Variants in GGA3 observed in about 807,000 individuals in gnomAD.
GGA3 encodes golgi associated, gamma adaptin ear containing, ARF binding protein 3, also known as ADP-ribosylation factor-binding protein GGA3.
Under a neutral mutation model 77.5 loss-of-function variants are expected in GGA3, and 57 were observed. That is an observed-to-expected ratio of 0.74 (90% CI 0.59 to 0.92). The LOEUF (loss-of-function observed/expected upper bound fraction) is 0.92. Among genes scored for constraint, GGA3 ranks in the 40% least tolerant of loss-of-function variants. The pLI is 0.00. For synonymous variants in GGA3, 416 were observed against 383.7 expected, an observed-to-expected ratio of 1.08 and a Z score of -0.98; for missense variants, 970 against 914.9, an observed-to-expected ratio of 1.06 and a Z score of -0.78.
chr17:75,243,312 T>C, intron 5 of GGA3, 135 bp downstream of exon 5: 1 of 1,243,578 alleles, frequency 8.0e-7, no homozygotes. Context: ...CCCATCCAAC[T>C]CCGACTCAGC....
At chr17:75,260,826 C>T (rs1306177883) in intron 1 of GGA3, among the ~76,000 whole-genome samples, 1 of 151,984 alleles carries the variant, frequency 6.6e-6, no homozygotes, top group Admixed American at 6.5e-5. Context: ...CAATACGCTT[C>T]TATAACTACA....
chr17:75,237,935 A>ACC lies in GGA3; in HGVS notation c.*342_*343dup, dbSNP rs1461010805. 8 of 475,232 alleles carry ACC rather than the reference A, an allele frequency of 1.7e-5. No homozygotes were observed. The highest frequency in any genetic ancestry group is 1.9e-5 in the Non-Finnish European group (7 of 370,016). 29.4% of individuals were successfully genotyped at this position (475,232 alleles called of 1,614,324 possible). A position where few individuals can be genotyped will look rare whatever the true frequency, so the allele number is the denominator to read the frequency against. On this transcript the variant is annotated 3_prime_UTR_variant, in exon 17 of 17. Transcript: ENST00000537686. ...TAGAGACTCCCACCCCCCACCCCCC[A>ACC]CCCCAGTGGCTTCAGTGAATGCCAG...
intron 11 of GGA3, 26 bp from the exon 12 acceptor site, chr17:75,240,438 G>A: frequency 1.3e-6 from 2 of 1,496,886 alleles, no homozygotes; most frequent in Non-Finnish European, 1.8e-6. Flanking sequence ...AAAACAGGAT[G>A]AGAAGAGGCT....
At chr17:75,251,603 G>A (rs2076967862) in intron 1 of GGA3, among the ~76,000 whole-genome samples, 1 of 151,194 alleles carries the variant, frequency 6.6e-6, no homozygotes, top group Admixed American at 6.6e-5. Context: ...CTACTTGGGA[G>A]GCTGAGGCAG....
intron 1 of GGA3, among the ~76,000 whole-genome samples, chr17:75,249,764 C>T (rs1455163490): frequency 2.0e-5 from 3 of 152,196 alleles, no homozygotes; most frequent in Non-Finnish European, 4.4e-5. Context: ...CGGGGAAAAG[C>T]ATCTTCTGAG....
In GGA3 at chr17:75,248,022, G is replaced by A. The variant is rs575314041; in HGVS notation, c.41-1226C>T. 1.2e-4 allele frequency among the ~76,000 whole-genome samples: 18 copies of A among 152,228 alleles called. No individual in the cohort carries two copies. In the South Asian group the frequency reaches 3.5e-3, roughly 30 times the overall value. ...TTTGGGTTCTGAAGACAAATGGAAG[G>A]CTGAAGACGCACACCCCTTAAAACA... On this transcript the variant is annotated intron_variant, in intron 1 of 16. Transcript: ENST00000537686.
chr17:75,251,135 T>A (rs946167616), intron 1 of GGA3, among the ~76,000 whole-genome samples: 6 of 151,734 alleles, frequency 4.0e-5, no homozygotes, highest in South Asian at 4.2e-4. Context: ...AGCAAGAACA[T>A]GGGCTGGAAA....
intron 3 of GGA3, 149 bp downstream of exon 3, chr17:75,246,360 G>A (rs577814874): frequency 4.8e-6 from 3 of 628,918 alleles, no homozygotes; most frequent in Admixed American, 2.6e-5. Flanking sequence ...TGGAACAGCT[G>A]GCTGAACAGA....
At position 75,239,840 on chromosome 17, in the gene GGA3, C is replaced by A. The variant is rs2076470260; in HGVS notation, c.1532G>T (p.Ser511Ile). The A allele has an allele frequency of 1.2e-6, 2 of 1,613,878 alleles. No individual in the cohort carries two copies. The highest frequency in any genetic ancestry group is 1.7e-6 in the Non-Finnish European group (2 of 1,180,036). The change falls in exon 13 of 17, where the codon AGC (serine) becomes ATC (isoleucine). Residue 511 changes from serine (S) to isoleucine (I), a missense_variant. Physicochemically the swap from Ser to Ile is moderately radical, Grantham distance 142. Coordinates refer to ENST00000537686, the MANE Select transcript of GGA3 (RefSeq NM_138619.4). ...PGHHGLALGN[S>I]ALHHLDALDQ... ...GAGGGCATCCAGGTGGTGCAGCGCG[C>A]TGTTGCCCAACGCCAAGCCATGGTG...
upstream of GGA3, chr17:75,262,095 A>C: frequency 7.7e-7 from 1 of 1,291,718 alleles, no homozygotes. Flanking sequence ...GAGTATCTGG[A>C]TTCAAGCTTC....
chr17:75,237,369 C>T lies in GGA3; in HGVS notation c.*910G>A. ...CAGCCACAGGTGCCACACCACATGC[C>T]ATCTGGTGAGAGGAGAGGGAGGCCA... On this transcript the variant is annotated 3_prime_UTR_variant, in exon 17 of 17. Transcript: ENST00000537686. 1.1e-6 allele frequency: 1 copy of T among 950,416 alleles called. No individual in the cohort carries two copies. The highest frequency in any genetic ancestry group is 2.0e-5 in the Admixed American group (1 of 49,980). 58.9% of individuals were successfully genotyped at this position (950,416 alleles called of 1,614,324 possible).
intron 1 of GGA3, chr17:75,248,801 C>CAAAAAAAAAAACAA: frequency 1.3e-6 from 1 of 761,294 alleles, no homozygotes; most frequent in Non-Finnish European, 1.4e-6. Flanking sequence ...AAAACAAAAA[C>CAAAAAAAAAAACAA]AAAAACAAAA....
Position 75,238,897 on chromosome 17 carries a change from C to A in GGA3, c.1950+17G>T. The A allele has an allele frequency of 6.2e-7, 1 of 1,612,508 alleles. No individual in the cohort carries two copies. Among genetic ancestry groups the A allele is most frequent in the Non-Finnish European group, 8.5e-7 (1 of 1,179,066 alleles). ...GGTCAAGATAAGGCCGTTTTGGCCC[C>A]AGGGAGACACTGGTACCTTGGGCAC... On this transcript the variant is annotated intron_variant, in intron 15 of 16. Coordinates refer to ENST00000537686, the MANE Select transcript of GGA3 (RefSeq NM_138619.4).
At chr17:75,241,932 C>T in intron 8 of GGA3, 1 of 579,004 alleles carries the variant, frequency 1.7e-6, no homozygotes, top group South Asian at 2.0e-5. Flanking sequence ...AGTCAGTCCC[C>T]TCCTGCCTTC....
rs377575793 is a variant in GGA3 at position 75,244,760 on chromosome 17, G to A, written c.202-43C>T. 40 of 1,332,834 alleles carry A rather than the reference G, an allele frequency of 3.0e-5. No individual in the cohort carries two copies. The African/African-American group carries it at 3.2e-4, about 11-fold the overall frequency. The allele number at this position is 1,332,834 out of a possible 1,614,324, so 82.6% of individuals were successfully genotyped here. On this transcript the variant is annotated intron_variant, in intron 3 of 16. Transcript: ENST00000537686. The stretch of plus-strand genomic sequence containing the variant: ...AGAGGCGCTCAGTGAGGGCGTGCTC[G>A]GGGCTGGAACCTGGCACTGGCAAGA...
rs749904564 is a variant in GGA3 at position 75,246,722 on chromosome 17, CCTT to C, written c.112_114del (p.Lys38del). 1.2e-6 allele frequency: 2 copies of C among 1,613,724 alleles called. No homozygotes were observed. The highest frequency in any genetic ancestry group is 1.7e-6 in the Non-Finnish European group (2 of 1,179,592). On this transcript the variant is annotated inframe_deletion, in exon 2 of 17. Coordinates refer to ENST00000537686, the MANE Select transcript of GGA3 (RefSeq NM_138619.4). ...AGTGCTGAGACTCACCCTTCCAGCTCCTTGTTGATCTGATCACAGAAGCCAATT... is the reference window on the plus strand; with the variant it reads ...AGTGCTGAGACTCACCCTTCCAGCTCGTTGATCTGATCACAGAAGCCAATT...
At position 75,239,584 on chromosome 17, in the gene GGA3, A is replaced by C. The variant is rs2076455841; in HGVS notation, c.1584-13T>G. The C allele has an allele frequency of 1.9e-6, 3 of 1,549,112 alleles. No homozygotes were observed. Among genetic ancestry groups the C allele is most frequent in the Non-Finnish European group, 2.6e-6 (3 of 1,144,052 alleles). On this transcript the variant is annotated splice_polypyrimidine_tract_variant and intron_variant, in intron 13 of 16. Transcript: ENST00000537686. ...CAAGCCCGAGGTCCTGGGAGGTGGG[A>C]AGGATGGAAAGCACGTCAGAGAGCC...
intron 12 of GGA3, 28 bp from the exon 13 acceptor site, chr17:75,240,136 C>T (rs557500893): frequency 5.0e-5 from 25 of 500,144 alleles, no homozygotes; most frequent in Admixed American, 1.1e-4. Flanking sequence ...GGTGGTGAGC[C>T]GAGGGCGGGT....
intron 3 of GGA3, among the ~76,000 whole-genome samples, chr17:75,245,703 T>C (rs1342630517): frequency 6.6e-6 from 1 of 152,162 alleles, no homozygotes; most frequent in Admixed American, 6.5e-5. Context: ...TTTTTTATTT[T>C]TTGTAGAGAC....
Sources: allele counts gnomAD v4.1 joint callset (sites outside exome capture counted in the v4.1 genomes callset), GRCh38; gene constraint gnomAD v4.1.1; transcripts MANE v1.5; gene names NCBI Gene and HGNC (gene_info 2026-07-23, HGNC 2026-07-21).